Variants in CNTN6 observed in about 807,000 individuals in gnomAD.
CNTN6 encodes the protein contactin 6.
Under a neutral mutation model 122.8 loss-of-function variants are expected in CNTN6, and 137 were observed. The ratio of observed to expected loss-of-function variants is 1.12; its 90% CI spans 0.97 to 1.29. CNTN6 has a LOEUF of 1.29. CNTN6 is among the 50% of genes most tolerant of loss of function. The pLI is 0.00. For missense variants in CNTN6, 1,634 were observed against 1,223.4 expected, an observed-to-expected ratio of 1.34 and a Z score of -5.01; for synonymous variants, 570 against 426.0, an observed-to-expected ratio of 1.34 and a Z score of -4.16.
At chr3:1,356,597 C>A (rs1319384499) in intron 12 of CNTN6, among the ~76,000 whole-genome samples, 1 of 151,622 alleles carries the variant, frequency 6.6e-6, no homozygotes, top group Admixed American at 6.6e-5. Flanking sequence ...ATTGAGCAGA[C>A]CAAAAGTACA....
chr3:1,297,157 A>G (rs1696382386), intron 6 of CNTN6, among the ~76,000 whole-genome samples: 1 of 152,108 alleles, frequency 6.6e-6, no homozygotes, highest in Non-Finnish European at 1.5e-5. Context: ...TATTTCATAT[A>G]TATTTTGTAA....
intron 2 of CNTN6, among the ~76,000 whole-genome samples, chr3:1,196,465 T>C (rs1217161565): frequency 6.6e-6 from 1 of 152,186 alleles, no homozygotes; most frequent in Non-Finnish European, 1.5e-5. Context: ...TTTTTTGTTT[T>C]TGTTTTTGTT....
At chr3:1,143,628 T>A (rs2092662157) in intron 1 of CNTN6, among the ~76,000 whole-genome samples, 1 of 152,212 alleles carries the variant, frequency 6.6e-6, no homozygotes, top group South Asian at 2.1e-4. Flanking sequence ...TACATTGTTG[T>A]CATTGAGCCA....
chr3:1,219,387 G>A (rs1325835975), intron 2 of CNTN6, among the ~76,000 whole-genome samples: 1 of 152,216 alleles, frequency 6.6e-6, no homozygotes, highest in Non-Finnish European at 1.5e-5. Flanking sequence ...CAGTGAAGGA[G>A]GAGAGGATAG....
intron 7 of CNTN6, among the ~76,000 whole-genome samples, chr3:1,302,066 T>C (rs762683135): frequency 6.6e-6 from 1 of 152,220 alleles, no homozygotes; most frequent in Non-Finnish European, 1.5e-5. Flanking sequence ...AGATTAATTA[T>C]GTTATAGGTA....
rs1035562502 is a variant in CNTN6, at chr3:1,387,929, T to G, written c.2704+2132T>G. Among the ~76,000 whole-genome samples, 86 of 152,104 alleles carry G rather than the reference T, an allele frequency of 5.7e-4. No homozygotes were observed. The Middle Eastern group carries it at 0.01, about 18-fold the overall frequency. The stretch of plus-strand genomic sequence containing the variant: ...GGGTCCTACGCCCACGGAATCTCGC[T>G]GATTGCTAGCACAGCAGTCTGAGAT... On this transcript the variant is annotated intron_variant, in intron 20 of 22. Transcript: ENST00000446702.
intron 12 of CNTN6, among the ~76,000 whole-genome samples, chr3:1,359,004 G>A (rs748253763): frequency 2.8e-4 from 43 of 152,112 alleles, no homozygotes; most frequent in Non-Finnish European, 4.9e-4. Context: ...AGATTGCAGT[G>A]AGCTATGATC....
At chr3:1,131,992 C>T (rs1054080704) in intron 1 of CNTN6, among the ~76,000 whole-genome samples, 1 of 151,972 alleles carries the variant, frequency 6.6e-6, no homozygotes, top group East Asian at 1.9e-4. Flanking sequence ...CTGGCCAGGA[C>T]ATCAGGGAGT....
At chr3:1,112,231 TAGTC>T (rs1440403953) in intron 1 of CNTN6, among the ~76,000 whole-genome samples, 2 of 152,176 alleles carry the variant, frequency 1.3e-5, no homozygotes, top group Non-Finnish European at 2.9e-5. Flanking sequence ...GACACTGTGT[TAGTC>T]AGGGTCCTCC....
intron 4 of CNTN6, among the ~76,000 whole-genome samples, chr3:1,258,988 C>T (rs1331846224): frequency 6.6e-6 from 1 of 152,054 alleles, no homozygotes; most frequent in Non-Finnish European, 1.5e-5. Context: ...TGAAAGCAGC[C>T]ACCCATAAAC....
intron 16 of CNTN6, 89 bp downstream of exon 16, chr3:1,374,162 AC>A (rs1709532234): frequency 2.2e-6 from 3 of 1,350,754 alleles, no homozygotes; most frequent in Middle Eastern, 2.0e-4. Flanking sequence ...GTCTTCTAAT[AC>A]TTTTGGCTCA....
intron 20 of CNTN6, among the ~76,000 whole-genome samples, chr3:1,390,299 C>T (rs1323969568): frequency 1.3e-5 from 2 of 152,106 alleles, no homozygotes; most frequent in East Asian, 3.9e-4. Context: ...ACAACCTGCT[C>T]CTGAATGACT....
At chr3:1,186,052 T>C (rs1057094216) in intron 2 of CNTN6, among the ~76,000 whole-genome samples, 2 of 152,160 alleles carry the variant, frequency 1.3e-5, no homozygotes, top group Non-Finnish European at 2.9e-5. Context: ...ATTTTTGTGA[T>C]GGAAGTGTTT....
chr3:1,322,377 C>T (rs1700979349), intron 8 of CNTN6, among the ~76,000 whole-genome samples: 1 of 151,574 alleles, frequency 6.6e-6, no homozygotes, highest in Admixed American at 6.6e-5. Context: ...ACGATGAATG[C>T]ATATATTATC....
At chr3:1,306,400 A>T (rs766267054) in intron 7 of CNTN6, among the ~76,000 whole-genome samples, 64 of 152,322 alleles carry the variant, frequency 4.2e-4, no homozygotes, top group Admixed American at 8.5e-4. Flanking sequence ...GAACTAAAAA[A>T]TCTTCAAGCC....
intron 2 of CNTN6, among the ~76,000 whole-genome samples, chr3:1,160,365 T>TATATATATATATATAC (rs1486849078): frequency 6.0e-5 from 8 of 133,458 alleles, no homozygotes; most frequent in African/African-American, 1.4e-4. Context: ...TATATATATA[T>TATATATATATATATAC]ATACACACTA....
intron 1 of CNTN6, among the ~76,000 whole-genome samples, chr3:1,138,623 C>T (rs915241685): frequency 6.6e-6 from 1 of 151,744 alleles, no homozygotes; most frequent in East Asian, 1.9e-4. Flanking sequence ...GGGTTTTTTC[C>T]TCTACCACTC....
intron 2 of CNTN6, among the ~76,000 whole-genome samples, chr3:1,189,880 G>A (rs1038137416): frequency 2.0e-5 from 3 of 152,188 alleles, no homozygotes; most frequent in South Asian, 2.1e-4. Flanking sequence ...GGGGATCAGA[G>A]TGGCAAAGCA....
At chr3:1,369,709 C>T (rs1419621833) in intron 12 of CNTN6, among the ~76,000 whole-genome samples, 2 of 151,934 alleles carry the variant, frequency 1.3e-5, no homozygotes, top group Non-Finnish European at 2.9e-5. Context: ...GGCAGTTTTG[C>T]TCTGTCAACA....
Sources: gnomAD v4.1 joint callset for allele counts (sites outside exome capture counted in the v4.1 genomes callset) on GRCh38, gnomAD v4.1.1 for gene constraint, MANE v1.5 for transcripts, NCBI Gene and HGNC (gene_info 2026-07-23, HGNC 2026-07-21) for gene names.